Variants in ZDHHC11B observed in about 807,000 individuals in gnomAD.
ZDHHC11B encodes zDHHC palmitoyltransferase 11B (putative), also known as probable palmitoyltransferase ZDHHC11B.
A neutral mutation model predicts 42.3 loss-of-function variants in ZDHHC11B; 17 were observed. The observed-to-expected ratio is 0.40, with a 90% CI of 0.27 to 0.60. The LOEUF (loss-of-function observed/expected upper bound fraction) is 0.60, where lower values mean the gene tolerates loss of function less well. ZDHHC11B is among the 20% of genes least tolerant of loss of function. The pLI is 0.41. For synonymous variants in ZDHHC11B, 123 were observed against 193.5 expected (o/e 0.64, Z 3.02); for missense variants, 262 against 463.2 (o/e 0.57, Z 3.99).
At chr5:767,268 C>T in intron 3 of ZDHHC11B, 124 bp downstream of exon 3, 1 of 1,160,528 alleles carries the variant, frequency 8.6e-7, no homozygotes, top group Non-Finnish European at 1.2e-6. Flanking sequence ...AAGACCTGAG[C>T]TGCCATCTGG....
At chr5:724,477 G>A (rs1479181901) in intron 12 of ZDHHC11B, among the ~76,000 whole-genome samples, 7 of 136,872 alleles carry the variant, frequency 5.1e-5, no homozygotes, top group African/African-American at 1.4e-4. Context: ...CTGGGTTCAC[G>A]CCATTCTCCT....
intron 11 of ZDHHC11B, chr5:732,626 C>T (rs1365523763): frequency 2.2e-6 from 1 of 450,402 alleles, no homozygotes; most frequent in Admixed American, 2.4e-5. Context: ...TCACAGGAGC[C>T]TGTTCCCTGA....
chr5:766,751 A>G lies in ZDHHC11B; in HGVS notation c.169T>C (p.Phe57Leu), dbSNP rs768732292. 6.8e-6 allele frequency: 11 copies of G among 1,612,184 alleles called. 1 individual carries two copies. Among genetic ancestry groups the G allele is most frequent in the Non-Finnish European group, 9.3e-6 (11 of 1,179,060 alleles). The part of the protein sequence containing the change: ...AVFVGLSLAT[F>L]RIFIPLLPHS... ...GGCAGGAGGGGAATGAAGATCCTGA[A>G]GGTGGCCAAGGAAAGGCCAACGAAG... The change falls in exon 4 of 14, where the codon TTC (phenylalanine) becomes CTC (leucine). Residue 57 changes from phenylalanine (F) to leucine (L), a missense_variant. Phe to Leu is a conservative substitution (Grantham distance 22, BLOSUM62 0). Transcript: ENST00000508859.
intron 12 of ZDHHC11B, among the ~76,000 whole-genome samples, chr5:729,012 C>CAAAAAAAAAAAAAA (rs751272226): frequency 7.4e-6 from 1 of 134,888 alleles, no homozygotes. Flanking sequence ...GACCCTGTCT[C>CAAAAAAAAAAAAAA]AAAAAAAAAA....
intron 4 of ZDHHC11B, among the ~76,000 whole-genome samples, chr5:757,736 C>G (rs1254569625): frequency 2.6e-5 from 4 of 151,866 alleles, no homozygotes; most frequent in Admixed American, 6.6e-5. Flanking sequence ...GGAGGAGACT[C>G]TGTGTGTGCA....
rs1579222560 is a variant in ZDHHC11B, at chr5:714,086, ACG to A, written c.*8-1806_*8-1805del. On this transcript the variant is annotated intron_variant, in intron 13 of 13. Transcript: ENST00000508859. ...TTAATGCCTTTAAGAATATTTACAC[ACG>A]CACTCACATGGACACGGACACGCGC... is the stretch of plus-strand genomic sequence containing the variant. Among the ~76,000 whole-genome samples, 4 of 118,440 alleles carry A rather than the reference ACG, an allele frequency of 3.4e-5. No homozygotes were observed. In the East Asian group the frequency reaches 6.4e-4, roughly 19 times the overall value. The allele number at this position is 118,440 out of a possible 152,430, so 77.7% of individuals were successfully genotyped here.
intron 12 of ZDHHC11B, among the ~76,000 whole-genome samples, chr5:719,076 G>A (rs1484388954): frequency 1.3e-5 from 2 of 151,810 alleles, no homozygotes; most frequent in African/African-American, 4.9e-5. Flanking sequence ...ACTGGTCATA[G>A]AGATAAAGGA....
intron 12 of ZDHHC11B, among the ~76,000 whole-genome samples, chr5:723,624 G>A (rs1310741394): frequency 1.8e-5 from 2 of 110,600 alleles, no homozygotes; most frequent in East Asian, 2.2e-4. Flanking sequence ...GCAGGTCCTG[G>A]ACTGAGCCTG....
chr5:737,221 G>T (rs1292058554), intron 10 of ZDHHC11B, among the ~76,000 whole-genome samples: 2 of 148,036 alleles, frequency 1.4e-5, no homozygotes, highest in Non-Finnish European at 1.5e-5. Flanking sequence ...AGAGGAGATG[G>T]ATAACTTCCT....
At chr5:741,404 G>A (rs572360171) in intron 10 of ZDHHC11B, among the ~76,000 whole-genome samples, 190 bp downstream of exon 10, 191 of 147,658 alleles carry the variant, frequency 1.3e-3, no homozygotes, top group African/African-American at 4.4e-3. Flanking sequence ...AGTAAGACAA[G>A]CACATCGAGA....
At chr5:774,086 C>G (rs1736270064) in intron 1 of ZDHHC11B, among the ~76,000 whole-genome samples, 1 of 151,922 alleles carries the variant, frequency 6.6e-6, no homozygotes, top group Non-Finnish European at 1.5e-5. Context: ...ACTCGGCCAC[C>G]TAGGCGGGGC....
At position 719,503 on chromosome 5, in the gene ZDHHC11B, A is replaced by G. The variant is rs574570832; in HGVS notation, c.1059-2638T>C. On this transcript the variant is annotated intron_variant, in intron 12 of 13. Transcript: ENST00000508859. ...ATATATTTTTTAAAAACCAAAAAGA[A>G]ACTGGAGCTGGAAAGTACATAACTG... Among the ~76,000 whole-genome samples, 141 of 151,566 alleles carry G rather than the reference A, an allele frequency of 9.3e-4. 1 individual carries two copies. The highest frequency in any genetic ancestry group is 3.4e-3 in the African/African-American group (141 of 41,192).
chr5:780,906 G>A (rs1333591654), intron 1 of ZDHHC11B, among the ~76,000 whole-genome samples: 6 of 151,214 alleles, frequency 4.0e-5, no homozygotes, highest in South Asian at 2.1e-4. Flanking sequence ...GAGGGTGGAC[G>A]CCCCAGAAGC....
intron 4 of ZDHHC11B, among the ~76,000 whole-genome samples, chr5:761,998 C>A (rs1228415494): frequency 6.8e-6 from 1 of 147,906 alleles, no homozygotes; most frequent in African/African-American, 2.5e-5. Flanking sequence ...TGGCCACTCA[C>A]AGCCAAGAGG....
At chr5:773,858 G>T (rs1163337051) in intron 1 of ZDHHC11B, among the ~76,000 whole-genome samples, 5 of 151,798 alleles carry the variant, frequency 3.3e-5, no homozygotes, top group Non-Finnish European at 7.4e-5. Context: ...CAGGGAGTCA[G>T]GAGGATGGTG....
chr5:776,173 C>T (rs1265459620), intron 1 of ZDHHC11B, among the ~76,000 whole-genome samples: 1 of 151,378 alleles, frequency 6.6e-6, no homozygotes, highest in Non-Finnish European at 1.5e-5. Context: ...CATTAAACCC[C>T]ACTCCTGTTT....
At chr5:718,726 G>T (rs999382947) in intron 12 of ZDHHC11B, among the ~76,000 whole-genome samples, 1 of 150,026 alleles carries the variant, frequency 6.7e-6, no homozygotes, top group African/African-American at 2.5e-5. Context: ...AAAAGAAAAA[G>T]AAAGGAGAAG....
rs192834672 is a variant in ZDHHC11B, at chr5:750,672, C to T, written c.628+461G>A. ...GCATTGGTTCCCGAGGCCCAGGCTC[C>T]GGGCCCACTTGGCCAAGGGCCTCAG... On this transcript the variant is annotated intron_variant, in intron 7 of 13. Transcript: ENST00000508859. Among the ~76,000 whole-genome samples, 840 of 124,182 alleles carry T rather than the reference C, an allele frequency of 6.8e-3. 38 individuals are homozygous for T. The highest frequency in any genetic ancestry group is 0.021 in the African/African-American group (774 of 36,814). The allele number at this position is 124,182 out of a possible 152,430, so 81.5% of individuals were successfully genotyped here. A position where few individuals can be genotyped will look rare whatever the true frequency, so the allele number is the denominator to read the frequency against.
chr5:780,705 C>G (rs34564217), intron 1 of ZDHHC11B, among the ~76,000 whole-genome samples: 5,044 of 128,606 alleles, frequency 0.039, 8 homozygotes, highest in South Asian at 0.063. Flanking sequence ...CCTGGGGACA[C>G]GTGGGCACTG....
Sources: gnomAD v4.1 joint callset for allele counts (sites outside exome capture counted in the v4.1 genomes callset) on GRCh38, gnomAD v4.1.1 for gene constraint, MANE v1.5 for transcripts, NCBI Gene and HGNC (gene_info 2026-07-23, HGNC 2026-07-21) for gene names.